Variants in GNAQ observed in about 807,000 individuals in gnomAD.
GNAQ encodes G protein subunit alpha q, also known as guanine nucleotide-binding protein G(q) subunit alpha.
A neutral mutation model predicts 43.9 loss-of-function variants in GNAQ; 8 were observed. The observed-to-expected ratio is 0.18, with a 90% CI of 0.11 to 0.33. GNAQ has a LOEUF of 0.33. Ranked by LOEUF, GNAQ falls within the 10% of genes least tolerant of loss-of-function variation. The probability of loss-of-function intolerance (pLI) is 1.00; values close to 1 mark genes in which losing one functional copy is unlikely to be tolerated. For missense variants in GNAQ, 158 were observed against 450.8 expected (o/e 0.35, Z 5.88); for synonymous variants, 155 against 170.7 (o/e 0.91, Z 0.71).
chr9:77,894,257 A>G (rs369988667), intron 2 of GNAQ, among the ~76,000 whole-genome samples: 3 of 144,052 alleles, frequency 2.1e-5, no homozygotes, highest in African/African-American at 7.7e-5. Context: ...TGTTTCATTT[A>G]AGTCATAAAA....
At position 77,892,079 on chromosome 9, in the gene GNAQ, A is replaced by G. The variant is rs188582797; in HGVS notation, c.321+30082T>C. 5.3e-5 allele frequency among the ~76,000 whole-genome samples: 8 copies of G among 152,252 alleles called. No homozygotes were observed. The East Asian group carries it at 9.6e-4, about 18-fold the overall frequency. ...GCTAATAGGTCTTGAGCAGCAAATT[A>G]TATTATTATTTTAAAACATACTAGG... On this transcript the variant is annotated intron_variant, in intron 2 of 6. Transcript: ENST00000286548.
rs537388512 is a variant in GNAQ, at chr9:77,963,770, CAAT to C, written c.137-41428_137-41426del. 6.6e-5 allele frequency among the ~76,000 whole-genome samples: 10 copies of C among 152,270 alleles called. No homozygotes were observed. The South Asian group carries it at 2.1e-3, about 32-fold the overall frequency. On this transcript the variant is annotated intron_variant, in intron 1 of 6. Coordinates refer to ENST00000286548, the MANE Select transcript of GNAQ (RefSeq NM_002072.5). ...AATGCCTGGGAAAGCTTCACCACAA[CAAT>C]GTTCCTACTCGTTCCCTCTCATCAA...
At chr9:78,006,731 T>A (rs1428086659) in intron 1 of GNAQ, among the ~76,000 whole-genome samples, 1 of 152,340 alleles carries the variant, frequency 6.6e-6, no homozygotes, top group Non-Finnish European at 1.5e-5. Context: ...TGTCTAAATG[T>A]AACAAAGTCG....
intron 2 of GNAQ, among the ~76,000 whole-genome samples, chr9:77,830,111 GCTGA>G (rs1212499919): frequency 2.0e-5 from 3 of 152,100 alleles, no homozygotes; most frequent in Admixed American, 2.0e-4. Context: ...CGCCACCATG[GCTGA>G]CTAATTTCTG....
At chr9:77,874,400 A>G (rs760575992) in intron 2 of GNAQ, among the ~76,000 whole-genome samples, 2 of 151,958 alleles carry the variant, frequency 1.3e-5, no homozygotes, top group Non-Finnish European at 2.9e-5. Context: ...ACCTCCTCAT[A>G]TCTCCCATCC....
At chr9:77,767,583 ATGAG>A (rs1275823745) in intron 5 of GNAQ, among the ~76,000 whole-genome samples, 1 of 152,228 alleles carries the variant, frequency 6.6e-6, no homozygotes, top group Non-Finnish European at 1.5e-5. Flanking sequence ...AGTGCAAACA[ATGAG>A]TGTAACTTTT....
rs1309825979 is a variant in GNAQ at position 78,031,372 on chromosome 9, T to A, written c.-137A>T. On this transcript the variant is annotated 5_prime_UTR_variant, in exon 1 of 7. Transcript: ENST00000286548. ...GCCCGGGCGCGCGTCCGGGACGAGC[T>A]CCGGGAACCGCCGCGGGGGCGGCGG... 1.2e-5 allele frequency: 6 copies of A among 486,852 alleles called. No homozygotes were observed. Among genetic ancestry groups the A allele is most frequent in the Non-Finnish European group, 1.5e-5 (5 of 338,412 alleles). 30.2% of individuals were successfully genotyped at this position (486,852 alleles called of 1,614,324 possible).
In GNAQ at chr9:77,718,864, T is replaced by C; in HGVS notation, c.*2459A>G. 1 of 226,502 alleles carries C rather than the reference T, an allele frequency of 4.4e-6. No homozygotes were observed. The highest frequency in any genetic ancestry group is 5.9e-5 in the Admixed American group (1 of 17,078). 14.0% of individuals were successfully genotyped at this position (226,502 alleles called of 1,614,324 possible). A position where few individuals can be genotyped will look rare whatever the true frequency, so the allele number is the denominator to read the frequency against. ...AAAACTGCCTTTCTAGTAAAGGCCA[T>C]CAGAGAGGTAATACTAAACTGTGCA... On this transcript the variant is annotated 3_prime_UTR_variant, in exon 7 of 7. Transcript: ENST00000286548.
At position 77,721,428 on chromosome 9, in the gene GNAQ, G is replaced by A. The variant is rs2118191127; in HGVS notation, c.975C>T (p.Tyr325=). Residue 325 remains tyrosine, a synonymous_variant, in exon 7 of 7, where the codon TAC becomes TAT. Coordinates refer to ENST00000286548, the MANE Select transcript of GNAQ (RefSeq NM_002072.5). ...DLNPDSDKII[Y]SHFTCATDTE... is the part of the protein sequence containing the mutation. ...TGTCTGTGGCGCACGTGAAGTGGGA[G>A]TAGATAATTTTGTCACTGTCTGGGT... 2 of 1,612,448 alleles carry A rather than the reference G, an allele frequency of 1.2e-6. No individual in the cohort carries two copies. Among genetic ancestry groups the A allele is most frequent in the Non-Finnish European group, 1.7e-6 (2 of 1,178,618 alleles).
intron 1 of GNAQ, among the ~76,000 whole-genome samples, chr9:78,019,882 C>CCACTG (rs1823885374): frequency 6.8e-6 from 1 of 147,526 alleles, no homozygotes; most frequent in South Asian, 2.1e-4. Context: ...TGAGATTGCG[C>CCACTG]CACTGCACTC....
chr9:77,809,170 A>C (rs557121315), intron 3 of GNAQ, among the ~76,000 whole-genome samples: 1 of 152,336 alleles, frequency 6.6e-6, no homozygotes, highest in Non-Finnish European at 1.5e-5. Flanking sequence ...GACTTATGCC[A>C]AAAAGCCAAT....
intron 1 of GNAQ, among the ~76,000 whole-genome samples, chr9:78,007,577 C>T (rs1032507300): frequency 9.1e-4 from 139 of 152,264 alleles, no homozygotes; most frequent in African/African-American, 3.2e-3. Flanking sequence ...TCAATTTCAA[C>T]AGATATGAAT....
chr9:77,843,002 GA>G (rs1301453497), intron 2 of GNAQ, among the ~76,000 whole-genome samples: 2 of 152,170 alleles, frequency 1.3e-5, no homozygotes, highest in African/African-American at 4.8e-5. Flanking sequence ...TCTGCAGAAA[GA>G]AATATATAGA....
intron 2 of GNAQ, among the ~76,000 whole-genome samples, chr9:77,909,547 A>G (rs1159927343): frequency 1.3e-5 from 2 of 152,188 alleles, no homozygotes; most frequent in Non-Finnish European, 1.5e-5. Flanking sequence ...CCACAAAGGA[A>G]GTGTGCACAT....
chr9:77,889,002 T>C (rs1038981320), intron 2 of GNAQ, among the ~76,000 whole-genome samples: 1 of 152,218 alleles, frequency 6.6e-6, no homozygotes, highest in African/African-American at 2.4e-5. Context: ...ACAACTTGAA[T>C]GCCCAGTTTC....
chr9:78,016,908 T>A (rs992604782), intron 1 of GNAQ, among the ~76,000 whole-genome samples: 1 of 152,144 alleles, frequency 6.6e-6, no homozygotes, highest in African/African-American at 2.4e-5. Flanking sequence ...ACCCATTAAA[T>A]AGACATAATC....
At chr9:77,755,969 C>T (rs1239236994) in intron 5 of GNAQ, among the ~76,000 whole-genome samples, 1 of 152,132 alleles carries the variant, frequency 6.6e-6, no homozygotes, top group Middle Eastern at 3.2e-3. Flanking sequence ...GCAGACCCTT[C>T]CTCAGTCTGG....
At chr9:77,956,062 T>C (rs1823036862) in intron 1 of GNAQ, among the ~76,000 whole-genome samples, 1 of 152,120 alleles carries the variant, frequency 6.6e-6, no homozygotes, top group Non-Finnish European at 1.5e-5. Context: ...AAAGAAATAT[T>C]GTCTTTTTTG....
chr9:77,885,833 A>C (rs907316518), intron 2 of GNAQ, among the ~76,000 whole-genome samples: 1 of 152,200 alleles, frequency 6.6e-6, no homozygotes, highest in Admixed American at 6.5e-5. Flanking sequence ...TCAACATGAA[A>C]ATTTGTCTTT....
Sources: gnomAD v4.1 joint callset for allele counts (sites outside exome capture counted in the v4.1 genomes callset) on GRCh38, gnomAD v4.1.1 for gene constraint, MANE v1.5 for transcripts, NCBI Gene and HGNC (gene_info 2026-07-23, HGNC 2026-07-21) for gene names.